The following NOL4L variants were observed in gnomAD, a reference collection of about 807,000 sequenced individuals.
The protein encoded by NOL4L is nucleolar protein 4 like.
A neutral mutation model predicts 64.5 loss-of-function variants in NOL4L; 7 were observed. That is an observed-to-expected ratio of 0.11 (90% CI 0.06 to 0.20). NOL4L has a LOEUF of 0.20. NOL4L is among the 10% of genes least tolerant of loss of function. The pLI is 1.00. For synonymous variants in NOL4L, 413 were observed against 401.0 expected, an observed-to-expected ratio of 1.03 and a Z score of -0.36; for missense variants, 680 against 967.1, an observed-to-expected ratio of 0.70 and a Z score of 3.94.
chr20:32,554,489 A>T (rs1377446594), intron 1 of NOL4L, among the ~76,000 whole-genome samples: 1 of 152,144 alleles, frequency 6.6e-6, no homozygotes, highest in African/African-American at 2.4e-5. Flanking sequence ...CTGTCACTGA[A>T]GATCCATTTC....
chr20:32,522,947 G>C (rs1376746932), intron 2 of NOL4L, among the ~76,000 whole-genome samples: 1 of 152,178 alleles, frequency 6.6e-6, no homozygotes, highest in African/African-American at 2.4e-5. Context: ...CCTGCCAATG[G>C]GCAGAGAAAT....
intron 4 of NOL4L, among the ~76,000 whole-genome samples, chr20:32,485,294 C>CT (rs2016041724): frequency 6.6e-6 from 1 of 152,080 alleles, no homozygotes; most frequent in African/African-American, 2.4e-5. Context: ...TGTAAAAAGC[C>CT]TTTTTTCTTT....
intron 1 of NOL4L, among the ~76,000 whole-genome samples, chr20:32,574,676 G>A (rs1979975855): frequency 6.6e-6 from 1 of 152,110 alleles, no homozygotes; most frequent in Non-Finnish European, 1.5e-5. Context: ...ATCCACCCAA[G>A]CAGAGGCCTC....
intron 1 of NOL4L, among the ~76,000 whole-genome samples, chr20:32,571,426 C>G (rs941645894): frequency 1.3e-5 from 2 of 152,180 alleles, no homozygotes; most frequent in Non-Finnish European, 2.9e-5. Flanking sequence ...AGGCTGGTCT[C>G]AAACTCTTGA....
chr20:32,520,899 G>A lies in NOL4L; in HGVS notation c.501C>T (p.Leu167=), dbSNP rs1457266517. The part of the protein sequence containing the change: ...YRAIAETYAF[L]PREAVTRFLM... ...GGAACCGGGTCACGGCCTCTCTCGG[G>A]AGGAAGGCATAGGTCTCTGCGATCT... The change falls in exon 3 of 11, where the codon CTC becomes CTT. Residue 167 remains leucine, a synonymous_variant. Coordinates refer to ENST00000621426, the MANE Select transcript of NOL4L (RefSeq NM_001256798.2). The A allele has an allele frequency of 3.9e-6, 6 of 1,550,396 alleles. No homozygotes were observed. Among genetic ancestry groups the A allele is most frequent in the Non-Finnish European group, 5.2e-6 (6 of 1,146,902 alleles).
chr20:32,518,739 C>T (rs1240290041), intron 3 of NOL4L, among the ~76,000 whole-genome samples: 1 of 152,236 alleles, frequency 6.6e-6, no homozygotes, highest in Non-Finnish European at 1.5e-5. Context: ...GCAGTCACCA[C>T]TAGGACACAC....
At chr20:32,511,061 G>C (rs1016522747) in intron 4 of NOL4L, among the ~76,000 whole-genome samples, 15 of 152,158 alleles carry the variant, frequency 9.9e-5, no homozygotes, top group African/African-American at 3.4e-4. Context: ...CAGGGCTGCG[G>C]CTCCCTCCCT....
chr20:32,561,069 T>C (rs562793181), intron 1 of NOL4L: 1 of 152,468 alleles, frequency 6.6e-6, no homozygotes. Context: ...GGTATAGCAG[T>C]TGCCTGGAAA....
At position 32,464,063 on chromosome 20, in the gene NOL4L, C is replaced by T. The variant is rs976503268; in HGVS notation, c.842-7668G>A. 1.2e-4 allele frequency among the ~76,000 whole-genome samples: 16 copies of T among 138,644 alleles called. No individual in the cohort carries two copies. The highest frequency in any genetic ancestry group is 2.7e-4 in the African/African-American group (10 of 37,128). The allele number at this position is 138,644 out of a possible 152,430, so 91.0% of individuals were successfully genotyped here. ...CAATAATTCACACACAACAGGGCGACGGGGGAGGAGGGGGTGGGAGACTGC... is the reference window on the plus strand; with the variant it reads ...CAATAATTCACACACAACAGGGCGATGGGGGAGGAGGGGGTGGGAGACTGC... On this transcript the variant is annotated intron_variant, in intron 5 of 10. Transcript: ENST00000621426. This position sits in a 1 kb window ranked among gnomAD's most constrained non-coding sequence, Gnocchi z 5.6.
At chr20:32,501,373 AAAG>A (rs1381673641) in intron 4 of NOL4L, among the ~76,000 whole-genome samples, 1 of 152,242 alleles carries the variant, frequency 6.6e-6, no homozygotes, top group Non-Finnish European at 1.5e-5. Context: ...GTCAAAGCCC[AAAG>A]AAGACTAAAG....
intron 1 of NOL4L, among the ~76,000 whole-genome samples, chr20:32,562,637 TCTC>T (rs1979102808): frequency 6.6e-6 from 1 of 151,836 alleles, no homozygotes; most frequent in Non-Finnish European, 1.5e-5. Context: ...CCCTGGGAGA[TCTC>T]CTCCCCGGAG....
intron 2 of NOL4L, among the ~76,000 whole-genome samples, chr20:32,522,521 C>T (rs2017982108): frequency 6.6e-6 from 1 of 152,202 alleles, no homozygotes; most frequent in South Asian, 2.1e-4. Flanking sequence ...TAAATGTGGC[C>T]ACCACTCTAC....
At chr20:32,493,156 T>C (rs1475951362) in intron 4 of NOL4L, among the ~76,000 whole-genome samples, 2 of 152,174 alleles carry the variant, frequency 1.3e-5, no homozygotes, top group Non-Finnish European at 2.9e-5. Flanking sequence ...GATGAAACTC[T>C]AGCTGGCTCT....
At chr20:32,547,615 G>A (rs1441081741) in intron 1 of NOL4L, among the ~76,000 whole-genome samples, 2 of 152,094 alleles carry the variant, frequency 1.3e-5, no homozygotes, top group East Asian at 3.9e-4. Context: ...CACTGTCCTA[G>A]GCTGTCCCTC....
At chr20:32,449,871 T>G (rs1180494216) in intron 10 of NOL4L, 1 of 152,432 alleles carries the variant, frequency 6.6e-6, no homozygotes, top group Non-Finnish European at 1.5e-5. Context: ...CCTGGCATAG[T>G]CAACATGAGC....
intron 1 of NOL4L, among the ~76,000 whole-genome samples, chr20:32,584,106 C>CG (rs1980716920): frequency 1.4e-5 from 2 of 140,400 alleles, no homozygotes; most frequent in Non-Finnish European, 3.2e-5. Flanking sequence ...CCCCCCCCCC[C>CG]ACCCCGCGGC....
At chr20:32,542,706 C>T (rs2018675389) in intron 1 of NOL4L, among the ~76,000 whole-genome samples, 2 of 152,182 alleles carry the variant, frequency 1.3e-5, no homozygotes, top group Non-Finnish European at 1.5e-5. Context: ...CTTAACCTCT[C>T]CATGCCTCAG....
chr20:32,535,912 G>GAC, intron 1 of NOL4L: 2 of 985,708 alleles, frequency 2.0e-6, no homozygotes, highest in Non-Finnish European at 2.4e-6. Flanking sequence ...ACAGGCCAGG[G>GAC]TCTGGGCCTG....
chr20:32,563,625 A>T (rs1304545590), intron 1 of NOL4L, among the ~76,000 whole-genome samples: 2 of 152,076 alleles, frequency 1.3e-5, no homozygotes, highest in African/African-American at 2.4e-5. Flanking sequence ...CAGTGGTGAC[A>T]ACGGCAGTAA....
Sources: gnomAD v4.1 joint callset for allele counts (sites outside exome capture counted in the v4.1 genomes callset) on GRCh38, gnomAD v4.1.1 for gene constraint, Gnocchi (gnomAD v3.1) non-coding constraint, MANE v1.5 for transcripts, NCBI Gene and HGNC (gene_info 2026-07-23, HGNC 2026-07-21) for gene names.